ADAM19: variants seen among roughly 807,000 people sequenced by gnomAD.
The protein encoded by ADAM19 is disintegrin and metalloproteinase domain-containing protein 19.
A neutral mutation model predicts 114.7 loss-of-function variants in ADAM19; 65 were observed. That is an observed-to-expected ratio of 0.57 (90% CI 0.46 to 0.70). ADAM19 has a LOEUF of 0.70. Among genes scored for constraint, ADAM19 ranks in the 30% least tolerant of loss-of-function variants. ADAM19 has a pLI of 0.00. For missense variants in ADAM19, 1,063 were observed against 1,204.7 expected, an observed-to-expected ratio of 0.88 and a Z score of 1.74; for synonymous variants, 466 against 460.5, an observed-to-expected ratio of 1.01 and a Z score of -0.15.
At chr5:157,536,035 C>T (rs1483519311) in intron 4 of ADAM19, among the ~76,000 whole-genome samples, 1 of 152,214 alleles carries the variant, frequency 6.6e-6, no homozygotes, top group Non-Finnish European at 1.5e-5. Flanking sequence ...TGGACAGCCT[C>T]CCTGGGGATG....
chr5:157,542,095 T>A (rs2113768385), intron 3 of ADAM19, among the ~76,000 whole-genome samples: 1 of 152,242 alleles, frequency 6.6e-6, no homozygotes, highest in East Asian at 1.9e-4. Flanking sequence ...ACTTTTCTGG[T>A]CTCTCTTATT....
Position 157,477,491 on chromosome 5 carries a change from G to C in ADAM19, c.*3458C>G. 1 of 1,064,030 alleles carries C rather than the reference G, an allele frequency of 9.4e-7. No homozygotes were observed. Among genetic ancestry groups the C allele is most frequent in the Middle Eastern group, 4.4e-4 (1 of 2,270 alleles). 65.9% of individuals were successfully genotyped at this position (1,064,030 alleles called of 1,614,324 possible). Reference sequence around the variant, plus strand: ...TAAAAAGAAAATTCACATTGCCCTGGATCCCAGACACATACAAACGCACAG... The same window carrying C: ...TAAAAAGAAAATTCACATTGCCCTGCATCCCAGACACATACAAACGCACAG... On this transcript the variant is annotated 3_prime_UTR_variant, in exon 23 of 23. Coordinates refer to ENST00000257527, the MANE Select transcript of ADAM19 (RefSeq NM_033274.5).
intron 3 of ADAM19, among the ~76,000 whole-genome samples, chr5:157,560,026 G>A (rs1389814049): frequency 6.6e-6 from 1 of 151,996 alleles, no homozygotes; most frequent in Non-Finnish European, 1.5e-5. Context: ...AGCACTTTGG[G>A]AGGCCGAGGC....
At chr5:157,572,504 G>A (rs1757859535) in intron 1 of ADAM19, among the ~76,000 whole-genome samples, 1 of 152,122 alleles carries the variant, frequency 6.6e-6, no homozygotes, top group South Asian at 2.1e-4. Context: ...ATGATAAAAA[G>A]ATGGCCATAG....
chr5:157,509,236 A>G (rs1396416560), intron 9 of ADAM19, 65 bp downstream of exon 9: 17 of 1,491,210 alleles, frequency 1.1e-5, no homozygotes, highest in Non-Finnish European at 1.5e-5. Flanking sequence ...AACTCTGAGC[A>G]TGTGCTGGGT....
chr5:157,502,672 A>T, intron 12 of ADAM19, 131 bp downstream of exon 12: 1 of 965,968 alleles, frequency 1.0e-6, no homozygotes, highest in East Asian at 2.4e-5. Context: ...CTGATTTTTC[A>T]TGGGGTATTG....
rs1035183303 is a variant in ADAM19 at position 157,531,786 on chromosome 5, A to T, written c.331-903T>A. On this transcript the variant is annotated intron_variant, in intron 4 of 22. Coordinates refer to ENST00000257527, the MANE Select transcript of ADAM19 (RefSeq NM_033274.5). ...CACACAGACACACACACAGAAAGAG[A>T]AGAAGGCCATTTGAAGATGGGGGCA... Among the ~76,000 whole-genome samples, 12 of 152,074 alleles carry T rather than the reference A, an allele frequency of 7.9e-5. No individual in the cohort carries two copies. In the South Asian group the frequency reaches 2.5e-3, roughly 32 times the overall value.
At chr5:157,498,813 T>C (rs1229110945) in intron 13 of ADAM19, among the ~76,000 whole-genome samples, 4 of 152,012 alleles carry the variant, frequency 2.6e-5, no homozygotes, top group South Asian at 2.1e-4. Context: ...AACATATTAA[T>C]ATTTCTGTAA....
chr5:157,572,220 G>A (rs748163975), intron 1 of ADAM19: 2 of 449,970 alleles, frequency 4.4e-6, no homozygotes, highest in South Asian at 1.6e-5. Context: ...CGAGTAGCTG[G>A]GACTACAGGC....
In ADAM19 at chr5:157,481,007, GAAGAAA is replaced by G; in HGVS notation, c.2704-11_2704-6del. The G allele has an allele frequency of 6.2e-7, 1 of 1,614,104 alleles. No individual in the cohort carries two copies. Among genetic ancestry groups the G allele is most frequent in the South Asian group, 1.1e-5 (1 of 91,076 alleles). On this transcript the variant is annotated splice_region_variant and splice_polypyrimidine_tract_variant and intron_variant, in intron 22 of 22. Coordinates refer to ENST00000257527, the MANE Select transcript of ADAM19 (RefSeq NM_033274.5). Reference sequence around the variant, plus strand: ...CTGTGATCTGTATTCTGGAAACTGGGAAGAAAAAGAAGGGAGGGAGAGAGACATCAG... The same window carrying G: ...CTGTGATCTGTATTCTGGAAACTGGGAAGAAGGGAGGGAGAGAGACATCAG...
intron 4 of ADAM19, among the ~76,000 whole-genome samples, chr5:157,536,187 C>T (rs143573910): frequency 4.1e-4 from 63 of 152,186 alleles, no homozygotes; most frequent in African/African-American, 2.7e-4. Flanking sequence ...AGTTACTATG[C>T]GCCACGTCTC....
chr5:157,533,213 C>T (rs372587576), intron 4 of ADAM19, among the ~76,000 whole-genome samples: 298 of 152,308 alleles, frequency 2.0e-3, no homozygotes, highest in African/African-American at 6.8e-3. Flanking sequence ...CATCGGCCAG[C>T]GATGTGGCTC....
At position 157,509,401 on chromosome 5, in the gene ADAM19, A is replaced by T; in HGVS notation, c.805T>A (p.Cys269Ser). The T allele has an allele frequency of 6.2e-7, 1 of 1,613,674 alleles. No individual in the cohort carries two copies. The highest frequency in any genetic ancestry group is 8.5e-7 in the Non-Finnish European group (1 of 1,179,804). Residue 269 changes from cysteine (C) to serine (S), a missense_variant, in exon 9 of 23, where the codon TGT (cysteine) becomes AGT (serine). By Grantham distance (112) the Cys-to-Ser change is moderately radical. Coordinates refer to ENST00000257527, the MANE Select transcript of ADAM19 (RefSeq NM_033274.5). ...GAATATGGATTCTCTGAAACTTCAC[A>T]CATGTTCCCGTGGGTCCACACTTCC... Reference protein sequence around the residue: ...GLEVWTHGNMCEVSENPYSTL... With the variant: ...GLEVWTHGNMSEVSENPYSTL...
chr5:157,492,886 T>C, intron 16 of ADAM19, 87 bp downstream of exon 16: 1 of 1,470,070 alleles, frequency 6.8e-7, no homozygotes, highest in Non-Finnish European at 9.4e-7. Flanking sequence ...AGGTGGCATC[T>C]GAGCCCAGGC....
At chr5:157,569,001 G>T (rs563584151) in intron 2 of ADAM19, 1 of 152,144 alleles carries the variant, frequency 6.6e-6, no homozygotes, top group Non-Finnish European at 1.5e-5. Flanking sequence ...TCCACATCTG[G>T]AGAGAACAAA....
In ADAM19 at chr5:157,489,179, A is replaced by C; in HGVS notation, c.2248T>G (p.Phe750Val). The C allele has an allele frequency of 1.2e-6, 2 of 1,613,240 alleles. No homozygotes were observed. Among genetic ancestry groups the C allele is most frequent in the Non-Finnish European group, 1.7e-6 (2 of 1,179,244 alleles). The stretch of plus-strand genomic sequence containing the variant: ...GTCCCGCTGTTCTGAGAAACCCTGA[A>C]GGGACAACTAGAAACAAGAAATGGG... Reference protein sequence around the residue: ...SKLRQQFSCPFRVSQNSGTGH... With the variant: ...SKLRQQFSCPVRVSQNSGTGH... Residue 750 changes from phenylalanine (F) to valine (V), a missense_variant, in exon 20 of 23, where the codon TTC (phenylalanine) becomes GTC (valine). Around this residue, in one of 3 missense-constraint regions of ADAM19, gnomAD observed 424 missense variants for 445.5 expected, o/e 0.95. Coordinates refer to ENST00000257527, the MANE Select transcript of ADAM19 (RefSeq NM_033274.5).
chr5:157,506,807 G>A (rs1477574927), intron 10 of ADAM19, among the ~76,000 whole-genome samples: 2 of 152,140 alleles, frequency 1.3e-5, no homozygotes, highest in Non-Finnish European at 1.5e-5. Flanking sequence ...ATCTAGTGAT[G>A]TATGCATGTA....
intron 19 of ADAM19, 132 bp downstream of exon 19, chr5:157,490,178 G>C: frequency 1.1e-6 from 1 of 949,818 alleles, no homozygotes; most frequent in Non-Finnish European, 1.6e-6. Context: ...GCAGGGGAGA[G>C]GGCAGCATGT....
At chr5:157,569,869 A>C (rs1757775023) in intron 2 of ADAM19, among the ~76,000 whole-genome samples, 1 of 152,174 alleles carries the variant, frequency 6.6e-6, no homozygotes. Context: ...AATGAAGAAA[A>C]TCTACCACTT....
Sources: gnomAD v4.1 joint callset for allele counts (sites outside exome capture counted in the v4.1 genomes callset) on GRCh38, gnomAD v4.1.1 for gene constraint, gnomAD v4.1.1 regional missense constraint, MANE v1.5 for transcripts, NCBI Gene and HGNC (gene_info 2026-07-23, HGNC 2026-07-21) for gene names.